Variants in ANO2 observed in about 807,000 individuals in gnomAD.
The protein encoded by ANO2 is anoctamin 2.
ANO2 carries 101 observed loss-of-function variants against 124.2 expected under a neutral mutation model. The observed-to-expected ratio is 0.81, with a 90% CI of 0.69 to 0.96. ANO2 has a LOEUF of 0.96. Ranked by LOEUF, ANO2 falls within the 40% of genes least tolerant of loss-of-function variation. The pLI is 0.00. For synonymous variants in ANO2, 486 were observed against 482.5 expected (o/e 1.01, Z -0.09); for missense variants, 1,293 against 1,274.5 (o/e 1.01, Z -0.22).
chr12:5,586,842 A>G (rs1591674911), intron 20 of ANO2, among the ~76,000 whole-genome samples: 1 of 152,352 alleles, frequency 6.6e-6, no homozygotes, highest in Middle Eastern at 3.4e-3. Flanking sequence ...GTTGTCTAAT[A>G]TATGGGGTAG....
At chr12:5,709,362 G>T (rs566831620) in intron 14 of ANO2, among the ~76,000 whole-genome samples, 13 of 152,358 alleles carry the variant, frequency 8.5e-5, no homozygotes, top group Non-Finnish European at 1.5e-4. Flanking sequence ...TGGAACACGA[G>T]ATGTGCAAAT....
At chr12:5,756,602 T>A (rs966708597) in intron 10 of ANO2, among the ~76,000 whole-genome samples, 9 of 152,040 alleles carry the variant, frequency 5.9e-5, no homozygotes, top group African/African-American at 1.9e-4. Context: ...CTGGGTGGGG[T>A]CCAAGGGTGG....
chr12:5,793,850 T>C (rs1230620625), intron 10 of ANO2, among the ~76,000 whole-genome samples: 1 of 152,176 alleles, frequency 6.6e-6, no homozygotes, highest in Non-Finnish European at 1.5e-5. Flanking sequence ...CTCCAACTCC[T>C]GTTTCCATTG....
intron 3 of ANO2, among the ~76,000 whole-genome samples, chr12:5,895,463 G>C (rs1465884221): frequency 1.3e-5 from 2 of 151,924 alleles, no homozygotes; most frequent in African/African-American, 4.8e-5. Context: ...CACATAAACA[G>C]AACCAGTGAA....
intron 4 of ANO2, among the ~76,000 whole-genome samples, chr12:5,835,576 C>T (rs1357200309): frequency 6.6e-6 from 1 of 152,114 alleles, no homozygotes; most frequent in East Asian, 1.9e-4. Flanking sequence ...TGTTGCAAAG[C>T]CAAGAGAGTT....
chr12:5,888,291 C>T (rs375285361), intron 3 of ANO2, among the ~76,000 whole-genome samples: 2 of 152,054 alleles, frequency 1.3e-5, no homozygotes, highest in African/African-American at 2.4e-5. Context: ...CAGACCTTCG[C>T]GGTGAGCGTT....
intron 3 of ANO2, among the ~76,000 whole-genome samples, chr12:5,881,442 C>G (rs1938493733): frequency 6.6e-6 from 1 of 152,182 alleles, no homozygotes; most frequent in African/African-American, 2.4e-5. Flanking sequence ...TGAAATGCAT[C>G]AGATCAAACT....
chr12:5,883,759 T>C (rs1217569761), intron 3 of ANO2, among the ~76,000 whole-genome samples: 1 of 152,146 alleles, frequency 6.6e-6, no homozygotes, highest in Non-Finnish European at 1.5e-5. Flanking sequence ...AATGAGGACT[T>C]TGCTGAGATG....
At chr12:5,584,107 G>T in intron 20 of ANO2, 1 of 215,346 alleles carries the variant, frequency 4.6e-6, no homozygotes. Flanking sequence ...TTGGCTCCCT[G>T]TGTCATTCCT....
chr12:5,730,492 G>A (rs539902190), intron 14 of ANO2, among the ~76,000 whole-genome samples: 8 of 152,312 alleles, frequency 5.3e-5, no homozygotes, highest in African/African-American at 1.7e-4. Flanking sequence ...GGATTACAGT[G>A]AAGGCAGAAC....
chr12:5,744,159 C>T lies in ANO2; in HGVS notation c.1349G>A (p.Trp450Ter), dbSNP rs368242308. ...CAAGCCTGGTGATGGCCACATACCC[C>T]ACAGAGCCATGAAGATAGAGAAGAA... is the stretch of plus-strand genomic sequence containing the variant. ...TVFFSIFMAL[W>*]ATMFLENWKR... The change falls in exon 12 of 25, where the codon TGG becomes TAG. Residue 450 changes from tryptophan (W) to a stop codon, truncating the protein, a stop_gained and splice_region_variant. Transcript: ENST00000682330. LOFTEE classifies it high-confidence loss of function. 31 of 1,613,106 alleles carry T rather than the reference C, an allele frequency of 1.9e-5. No homozygotes were observed. Among genetic ancestry groups the T allele is most frequent in the Non-Finnish European group, 2.5e-5 (30 of 1,179,876 alleles).
chr12:5,651,556 A>AAT (rs2136960539), intron 14 of ANO2, among the ~76,000 whole-genome samples: 1 of 152,304 alleles, frequency 6.6e-6, no homozygotes, highest in East Asian at 1.9e-4. Context: ...GATTAGCTGA[A>AAT]ATTACAGGCA....
intron 4 of ANO2, among the ~76,000 whole-genome samples, chr12:5,852,623 G>T (rs906723069): frequency 2.0e-5 from 3 of 152,094 alleles, no homozygotes; most frequent in Non-Finnish European, 2.9e-5. Context: ...AGTGAAAATG[G>T]TGTTGGCCAA....
At position 5,764,476 on chromosome 12, in the gene ANO2, G is replaced by A. The variant is rs148974034; in HGVS notation, c.1056-13506C>T. 3.6e-3 allele frequency among the ~76,000 whole-genome samples: 543 copies of A among 152,312 alleles called. 2 individuals carry two copies. Among genetic ancestry groups the A allele is most frequent in the African/African-American group, 0.012 (481 of 41,558 alleles). ...CAAAAACATTCACTAACCCAAGGTT[G>A]CACAGCTGGTAAGATGCAGAGACGA... On this transcript the variant is annotated intron_variant, in intron 10 of 24. Transcript: ENST00000682330.
chr12:5,903,552 G>A (rs1466752490), intron 3 of ANO2, among the ~76,000 whole-genome samples: 1 of 152,060 alleles, frequency 6.6e-6, no homozygotes, highest in African/African-American at 2.4e-5. Flanking sequence ...CATTCTCACT[G>A]TGCTTTACAC....
rs148415913 is a variant in ANO2 at position 5,910,447 on chromosome 12, G to A, written c.534+10593C>T. Reference sequence around the variant, plus strand: ...ACCCATTTAGGCCTCCCAAAGTATTGGGATTACAGGTGTGAGCCACAGAAC... The same window carrying A: ...ACCCATTTAGGCCTCCCAAAGTATTAGGATTACAGGTGTGAGCCACAGAAC... On this transcript the variant is annotated intron_variant, in intron 3 of 24. Coordinates refer to ENST00000682330, the MANE Select transcript of ANO2 (RefSeq NM_001364791.2). Among the ~76,000 whole-genome samples the A allele has an allele frequency of 3.9e-5, 6 of 152,206 alleles. No individual in the cohort carries two copies. The East Asian group carries it at 1.2e-3, about 29-fold the overall frequency.
chr12:5,603,370 G>A (rs563871818), intron 19 of ANO2, among the ~76,000 whole-genome samples: 2 of 152,308 alleles, frequency 1.3e-5, no homozygotes, highest in East Asian at 3.9e-4. Flanking sequence ...GTGATTATGA[G>A]AACATAAAAG....
chr12:5,694,284 A>AGAGAGAG (rs55758114), intron 14 of ANO2, among the ~76,000 whole-genome samples: 19 of 150,920 alleles, frequency 1.3e-4, no homozygotes, highest in East Asian at 3.9e-4. Flanking sequence ...AGAGAGAGAG[A>AGAGAGAG]ATAAAACAGA....
At chr12:5,744,966 T>C (rs1211046897) in intron 11 of ANO2, among the ~76,000 whole-genome samples, 1 of 152,178 alleles carries the variant, frequency 6.6e-6, no homozygotes, top group African/African-American at 2.4e-5. Context: ...GAAATAAGAT[T>C]AGGGAGAATG....
Sources: allele counts gnomAD v4.1 joint callset (sites outside exome capture counted in the v4.1 genomes callset), GRCh38; gene constraint gnomAD v4.1.1; transcripts MANE v1.5; gene names NCBI Gene and HGNC (gene_info 2026-07-23, HGNC 2026-07-21).